CYP20A1: variants seen among roughly 807,000 people sequenced by gnomAD.
CYP20A1 encodes cytochrome P450 20A1.
CYP20A1 carries 61 observed loss-of-function variants against 61.4 expected under a neutral mutation model. That is an observed-to-expected ratio of 0.99 (90% CI 0.81 to 1.23). The LOEUF (loss-of-function observed/expected upper bound fraction) is 1.23, where lower values mean the gene tolerates loss of function less well. Ranked by LOEUF, CYP20A1 falls within the 50% of genes most tolerant of loss-of-function variation. The pLI, the probability that CYP20A1 is intolerant of heterozygous loss-of-function variation, is 0.00. For missense variants in CYP20A1, 530 were observed against 542.4 expected, an observed-to-expected ratio of 0.98 and a Z score of 0.23; for synonymous variants, 193 against 188.2, an observed-to-expected ratio of 1.03 and a Z score of -0.21.
At chr2:203,281,223 G>T (rs2152095711) in intron 8 of CYP20A1, among the ~76,000 whole-genome samples, 1 of 152,116 alleles carries the variant, frequency 6.6e-6, no homozygotes, top group South Asian at 2.1e-4. Context: ...GAAGTATTAG[G>T]GGACCAGGCA....
At position 203,289,753 on chromosome 2, in the gene CYP20A1, T is replaced by G; in HGVS notation, c.972-12T>G. ...AAAATAAACATCTTCAAAAAAAATTTTTTTAAAACAGATATTGTCAGCATG... is the reference window on the plus strand; with the variant it reads ...AAAATAAACATCTTCAAAAAAAATTGTTTTAAAACAGATATTGTCAGCATG... On this transcript the variant is annotated splice_polypyrimidine_tract_variant and intron_variant, in intron 9 of 12. Coordinates refer to ENST00000356079, the MANE Select transcript of CYP20A1 (RefSeq NM_177538.3). 2 of 1,523,836 alleles carry G rather than the reference T, an allele frequency of 1.3e-6. No homozygotes were observed. The highest frequency in any genetic ancestry group is 1.8e-6 in the Non-Finnish European group (2 of 1,131,674). 94.4% of individuals were successfully genotyped at this position (1,523,836 alleles called of 1,614,324 possible).
intron 4 of CYP20A1, 84 bp from the exon 5 acceptor site, chr2:203,266,430 C>T: frequency 8.2e-7 from 1 of 1,214,718 alleles, no homozygotes; most frequent in Non-Finnish European, 1.2e-6. Flanking sequence ...TAACTGTTTG[C>T]CATTAAATGA....
chr2:203,284,089 T>A (rs1435294605), intron 8 of CYP20A1, among the ~76,000 whole-genome samples: 1 of 152,168 alleles, frequency 6.6e-6, no homozygotes, highest in Non-Finnish European at 1.5e-5. Context: ...TCACTCATGT[T>A]TTTTGTGAAC....
At chr2:203,296,333 A>T in intron 11 of CYP20A1, 141 bp from the exon 12 acceptor site, 1 of 526,872 alleles carries the variant, frequency 1.9e-6, no homozygotes, top group Non-Finnish European at 3.4e-6. Flanking sequence ...ACATAAAAAT[A>T]AGTGGCATTT....
At chr2:203,272,851 C>CT (rs372576462) in intron 6 of CYP20A1, 103 bp downstream of exon 6, 37,921 of 426,250 alleles carry the variant, frequency 0.089, 143 homozygotes, top group South Asian at 0.1. Context: ...TTTATATTTT[C>CT]TTTTTTTTTT....
chr2:203,242,403 A>G (rs957222751), intron 1 of CYP20A1, among the ~76,000 whole-genome samples: 1 of 152,202 alleles, frequency 6.6e-6, no homozygotes, highest in African/African-American at 2.4e-5. Flanking sequence ...GCTGATAACT[A>G]GAGAAGGAAG....
intron 10 of CYP20A1, 111 bp from the exon 11 acceptor site, chr2:203,292,148 AATT>A (rs2068563986): frequency 3.4e-6 from 2 of 580,980 alleles, no homozygotes; most frequent in Non-Finnish European, 5.9e-6. Context: ...ATTATTTTTA[AATT>A]ATTATTTTGT....
At position 203,297,330 on chromosome 2, in the gene CYP20A1, A is replaced by G; in HGVS notation, c.*422A>G. 6.3e-6 allele frequency: 1 copy of G among 158,400 alleles called. No homozygotes were observed. The highest frequency in any genetic ancestry group is 3.3e-3 in the Middle Eastern group (1 of 306). The allele number at this position is 158,400 out of a possible 1,614,324, so 9.8% of individuals were successfully genotyped here. On this transcript the variant is annotated 3_prime_UTR_variant, in exon 13 of 13. Coordinates refer to ENST00000356079, the MANE Select transcript of CYP20A1 (RefSeq NM_177538.3). Reference sequence around the variant, plus strand: ...ACACCTGTAATCCCTACACTTTGGGAGGCTGAGGCAGGTGGATCACCTGAG... The same window carrying G: ...ACACCTGTAATCCCTACACTTTGGGGGGCTGAGGCAGGTGGATCACCTGAG...
At chr2:203,289,113 C>T (rs2068423806) in intron 9 of CYP20A1, among the ~76,000 whole-genome samples, 1 of 152,088 alleles carries the variant, frequency 6.6e-6, no homozygotes, top group Non-Finnish European at 1.5e-5. Flanking sequence ...TATCTGCTCT[C>T]ATTCTTTTTC....
chr2:203,298,068 A>G lies in CYP20A1; in HGVS notation c.*1160A>G, dbSNP rs1056302486. On this transcript the variant is annotated 3_prime_UTR_variant, in exon 13 of 13. Coordinates refer to ENST00000356079, the MANE Select transcript of CYP20A1 (RefSeq NM_177538.3). ...ATAGTATGGCTAACAAACTTTTAGA[A>G]AAGTGTTTAGTCTCACTAGTAAGTA... 4.6e-5 allele frequency: 7 copies of G among 152,858 alleles called. No homozygotes were observed. The highest frequency in any genetic ancestry group is 1.7e-4 in the African/African-American group (7 of 41,460). The allele number at this position is 152,858 out of a possible 1,614,324, so 9.5% of individuals were successfully genotyped here. A position where few individuals can be genotyped will look rare whatever the true frequency, so the allele number is the denominator to read the frequency against.
At chr2:203,258,034 T>C (rs1169216027) in intron 4 of CYP20A1, among the ~76,000 whole-genome samples, 1 of 51,006 alleles carries the variant, frequency 2.0e-5, no homozygotes, top group African/African-American at 3.9e-5. Context: ...CCTGAGTAAC[T>C]AGGACCACAG....
intron 8 of CYP20A1, among the ~76,000 whole-genome samples, chr2:203,281,724 C>G (rs573061679): frequency 1.1e-4 from 17 of 152,060 alleles, no homozygotes; most frequent in African/African-American, 3.6e-4. Context: ...TCGCTTGAAC[C>G]CCAGAGGCAG....
At chr2:203,248,181 C>T (rs749217684) in intron 3 of CYP20A1, among the ~76,000 whole-genome samples, 3 of 151,888 alleles carry the variant, frequency 2.0e-5, no homozygotes, top group African/African-American at 4.8e-5. Context: ...GCCAAGGTTG[C>T]GCCACTCTAC....
chr2:203,294,444 G>A (rs2068684641), intron 11 of CYP20A1, among the ~76,000 whole-genome samples: 1 of 151,866 alleles, frequency 6.6e-6, no homozygotes, highest in South Asian at 2.1e-4. Flanking sequence ...GGCTGAGGCA[G>A]GAGAGGTGGA....
At chr2:203,267,822 CT>C (rs1426715615) in intron 5 of CYP20A1, among the ~76,000 whole-genome samples, 5 of 148,984 alleles carry the variant, frequency 3.4e-5, no homozygotes, top group African/African-American at 9.9e-5. Flanking sequence ...CCAGCCTGGG[CT>C]ACAGAGCAAG....
chr2:203,241,887 G>A (rs1001915168), intron 1 of CYP20A1, among the ~76,000 whole-genome samples: 14 of 152,126 alleles, frequency 9.2e-5, no homozygotes, highest in Non-Finnish European at 1.9e-4. Context: ...TGTCGCCCAG[G>A]CTGGAGTGCA....
rs1164764987 is a variant in CYP20A1 at position 203,301,749 on chromosome 2, C to A, written c.*4841C>A. ...AATAGATTCTACCTAACTTATAACC[C>A]CTATGTCAAAATTTGTTTATCTTAA... On this transcript the variant is annotated 3_prime_UTR_variant, in exon 13 of 13. Transcript: ENST00000356079. Among the ~76,000 whole-genome samples, 1 of 151,808 alleles carries A rather than the reference C, an allele frequency of 6.6e-6. No homozygotes were observed. The highest frequency in any genetic ancestry group is 1.5e-5 in the Non-Finnish European group (1 of 68,000).
intron 1 of CYP20A1, among the ~76,000 whole-genome samples, chr2:203,242,623 A>AAAAT (rs999599724): frequency 3.3e-5 from 5 of 152,136 alleles, no homozygotes; most frequent in African/African-American, 4.8e-5. Flanking sequence ...CCTTGTCTCT[A>AAAAT]AAATAAATAA....
chr2:203,243,313 T>G (rs1204455811), intron 1 of CYP20A1, among the ~76,000 whole-genome samples: 1 of 152,034 alleles, frequency 6.6e-6, no homozygotes, highest in Non-Finnish European at 1.5e-5. Flanking sequence ...TTGGCTAATT[T>G]TTGTATTTTT....
Sources: gnomAD v4.1 joint callset for allele counts (sites outside exome capture counted in the v4.1 genomes callset) on GRCh38, gnomAD v4.1.1 for gene constraint, MANE v1.5 for transcripts, NCBI Gene and HGNC (gene_info 2026-07-23, HGNC 2026-07-21) for gene names.